The following ANTXR2 variants were observed in gnomAD, a reference collection of about 807,000 sequenced individuals.
The protein encoded by ANTXR2 is anthrax toxin receptor 2.
ANTXR2 carries 44 observed loss-of-function variants against 73.7 expected under a neutral mutation model. The ratio of observed to expected loss-of-function variants is 0.60; its 90% CI spans 0.47 to 0.77. The LOEUF (loss-of-function observed/expected upper bound fraction) is 0.77. Among genes scored for constraint, ANTXR2 ranks in the 30% least tolerant of loss-of-function variants. The pLI is 0.00. For missense variants in ANTXR2, 604 were observed against 592.5 expected (o/e 1.02, Z -0.20); for synonymous variants, 217 against 205.9 (o/e 1.05, Z -0.46).
chr4:79,991,626 C>T (rs918325704), intron 12 of ANTXR2, among the ~76,000 whole-genome samples: 1 of 151,968 alleles, frequency 6.6e-6, no homozygotes, highest in Non-Finnish European at 1.5e-5. Context: ...GAATATAAAT[C>T]GTTCTACCAA....
intron 10 of ANTXR2, among the ~76,000 whole-genome samples, chr4:80,026,759 G>A (rs992720149): frequency 6.6e-6 from 1 of 152,078 alleles, no homozygotes; most frequent in South Asian, 2.1e-4. Context: ...ATCTTCCAAT[G>A]TTTGGAGAGT....
intron 9 of ANTXR2, 97 bp downstream of exon 9, chr4:80,033,375 A>T: frequency 1.2e-6 from 1 of 813,420 alleles, no homozygotes; most frequent in Non-Finnish European, 1.9e-6. Flanking sequence ...AGATTAAAAA[A>T]TATGTCAGTT....
Position 79,903,935 on chromosome 4 carries a change from G to A in ANTXR2, c.*3494C>T, listed in dbSNP as rs548525005. On this transcript the variant is annotated 3_prime_UTR_variant, in exon 17 of 17. Transcript: ENST00000403729. Reference sequence around the variant, plus strand: ...CTAAAGTAATGTGATGCTAGAAAATGCTAGTAAAAGCTAACCAATATACAA... The same window carrying A: ...CTAAAGTAATGTGATGCTAGAAAATACTAGTAAAAGCTAACCAATATACAA... 5 of 152,264 alleles carry A rather than the reference G, an allele frequency of 3.3e-5. No individual in the cohort carries two copies. The East Asian group carries it at 9.6e-4, about 29-fold the overall frequency. The allele number at this position is 152,264 out of a possible 1,614,324, so 9.4% of individuals were successfully genotyped here. A position where few individuals can be genotyped will look rare whatever the true frequency, so the allele number is the denominator to read the frequency against.
At chr4:79,992,813 G>C (rs983297348) in intron 12 of ANTXR2, among the ~76,000 whole-genome samples, 4 of 151,978 alleles carry the variant, frequency 2.6e-5, no homozygotes, top group Non-Finnish European at 5.9e-5. Context: ...TATCTTCCCT[G>C]TTTCTTTCAA....
chr4:79,951,597 A>C (rs72653274), intron 16 of ANTXR2, among the ~76,000 whole-genome samples: 38,234 of 151,660 alleles, frequency 0.25, 5,768 homozygotes, highest in East Asian at 0.68. Flanking sequence ...ACAACAAAAA[A>C]AAAAAAACAA....
At chr4:79,932,558 G>A (rs528472884) in intron 16 of ANTXR2, among the ~76,000 whole-genome samples, 177 of 151,830 alleles carry the variant, frequency 1.2e-3, no homozygotes, top group African/African-American at 3.9e-3. Context: ...TTTGGGAGGC[G>A]AGGCGGGTGG....
intron 10 of ANTXR2, among the ~76,000 whole-genome samples, chr4:80,028,617 C>T (rs1292341535): frequency 6.6e-6 from 1 of 152,146 alleles, no homozygotes; most frequent in African/African-American, 2.4e-5. Flanking sequence ...ACTATCACCA[C>T]ATCTGTCACC....
At chr4:79,928,185 A>G (rs1383338271) in intron 16 of ANTXR2, among the ~76,000 whole-genome samples, 2 of 152,240 alleles carry the variant, frequency 1.3e-5, no homozygotes, top group African/African-American at 4.8e-5. Flanking sequence ...CTGAAAAAGA[A>G]ACGAAATTTA....
At chr4:80,011,763 T>C (rs1578153268) in intron 11 of ANTXR2, among the ~76,000 whole-genome samples, 1 of 152,210 alleles carries the variant, frequency 6.6e-6, no homozygotes, top group South Asian at 2.1e-4. Context: ...ACTGTTTTTC[T>C]TTCATGACTA....
At chr4:79,962,008 T>C (rs1052920713) in intron 16 of ANTXR2, among the ~76,000 whole-genome samples, 1 of 152,012 alleles carries the variant, frequency 6.6e-6, no homozygotes, top group African/African-American at 2.4e-5. Context: ...ATAGATTCTT[T>C]GAAAAAAAAT....
intron 16 of ANTXR2, among the ~76,000 whole-genome samples, chr4:79,920,413 T>C (rs903684396): frequency 1.3e-5 from 2 of 152,140 alleles, no homozygotes; most frequent in African/African-American, 2.4e-5. Flanking sequence ...TAACATCTTA[T>C]GTGATGCAAT....
chr4:80,030,885 G>T (rs1054684280), intron 10 of ANTXR2, among the ~76,000 whole-genome samples: 2 of 151,858 alleles, frequency 1.3e-5, no homozygotes, highest in African/African-American at 4.8e-5. Context: ...TCTTAAACAT[G>T]CTCTACTGTT....
chr4:79,930,049 G>T (rs1727996419), intron 16 of ANTXR2, among the ~76,000 whole-genome samples: 1 of 152,126 alleles, frequency 6.6e-6, no homozygotes, highest in South Asian at 2.1e-4. Context: ...TAAGTGGCAG[G>T]ACCAAGATTT....
chr4:79,987,655 A>T (rs1399045743), intron 12 of ANTXR2, among the ~76,000 whole-genome samples: 1 of 152,162 alleles, frequency 6.6e-6, no homozygotes, highest in East Asian at 1.9e-4. Context: ...AAAAGATAAG[A>T]TATCTAGTCA....
At chr4:80,056,071 A>C in intron 3 of ANTXR2, 58 bp from the exon 4 acceptor site, 1 of 1,220,184 alleles carries the variant, frequency 8.2e-7, no homozygotes, top group South Asian at 1.5e-5. Context: ...AACAATAAAC[A>C]CTTCTTAAAA....
At chr4:79,924,122 T>C (rs1727693170) in intron 16 of ANTXR2, among the ~76,000 whole-genome samples, 1 of 152,138 alleles carries the variant, frequency 6.6e-6, no homozygotes, top group African/African-American at 2.4e-5. Context: ...ACAGGTAGTT[T>C]TTCCAACATT....
chr4:79,927,002 C>CACATGTGCATATATGTGTGTATATATAG (rs1727834059), intron 16 of ANTXR2, among the ~76,000 whole-genome samples: 1 of 100,192 alleles, frequency 1.0e-5, no homozygotes, highest in African/African-American at 3.2e-5. Context: ...TGTATATATA[C>CACATGTGCATATATGTGTGTATATATAG]ACGTGTGCAT....
intron 16 of ANTXR2, among the ~76,000 whole-genome samples, chr4:79,913,674 A>T (rs1270201778): frequency 1.3e-5 from 2 of 152,072 alleles, no homozygotes; most frequent in East Asian, 3.9e-4. Flanking sequence ...AGTTTGCAAA[A>T]CTACTCCCAG....
In ANTXR2 at chr4:80,001,350, T is replaced by G. The variant is rs191280210; in HGVS notation, c.1041+7171A>C. Among the ~76,000 whole-genome samples the G allele has an allele frequency of 4.9e-3, 622 of 128,022 alleles. 10 individuals are homozygous for G. Among genetic ancestry groups the G allele is most frequent in the African/African-American group, 0.018 (588 of 33,338 alleles). 84.0% of individuals were successfully genotyped at this position (128,022 alleles called of 152,430 possible). A position where few individuals can be genotyped will look rare whatever the true frequency, so the allele number is the denominator to read the frequency against. ...CCCCACAACAGTCCCCAGAGTGTGA[T>G]ATTCCCCTTCCTGTGTCCATGTGAT... On this transcript the variant is annotated intron_variant, in intron 12 of 16. Coordinates refer to ENST00000403729, the MANE Select transcript of ANTXR2 (RefSeq NM_058172.6).
Sources: allele counts gnomAD v4.1 joint callset (sites outside exome capture counted in the v4.1 genomes callset), GRCh38; gene constraint gnomAD v4.1.1; transcripts MANE v1.5; gene names NCBI Gene and HGNC (gene_info 2026-07-23, HGNC 2026-07-21).